Variants in ROCK1 observed in about 807,000 individuals in gnomAD.
The protein encoded by ROCK1 is Rho associated coiled-coil containing protein kinase 1.
ROCK1 carries 36 observed loss-of-function variants against 196.8 expected under a neutral mutation model. The observed-to-expected ratio is 0.18, with a 90% confidence interval of 0.14 to 0.24. ROCK1 has a LOEUF of 0.24. Ranked by LOEUF, ROCK1 falls within the 10% of genes least tolerant of loss-of-function variation. ROCK1 has a pLI of 1.00. For missense variants in ROCK1, 920 were observed against 1,562.0 expected, an observed-to-expected ratio of 0.59 and a Z score of 6.93; for synonymous variants, 443 against 515.9, an observed-to-expected ratio of 0.86 and a Z score of 1.91.
intron 16 of ROCK1, among the ~76,000 whole-genome samples, chr18:21,001,973 C>T (rs1568380392): frequency 6.6e-6 from 1 of 151,962 alleles, no homozygotes. Flanking sequence ...TTTTCAAATG[C>T]CCATGTAACA....
chr18:21,102,841 G>C (rs1375041639), intron 1 of ROCK1, among the ~76,000 whole-genome samples: 1 of 151,954 alleles, frequency 6.6e-6, no homozygotes, highest in Non-Finnish European at 1.5e-5. Flanking sequence ...ACTTCAGCCT[G>C]GGTGACAGGG....
chr18:20,966,810 A>C, intron 27 of ROCK1, 107 bp downstream of exon 27: 1 of 853,402 alleles, frequency 1.2e-6, no homozygotes, highest in East Asian at 2.6e-5. Context: ...ATTCCTTCTT[A>C]GGAATCCATG....
Position 21,070,421 on chromosome 18 carries a change from A to G in ROCK1, c.175+111T>C. ...TCCTACTAAATTCTATGTAGAAATCATTGATGAAATCACCAAAAAGTAAAT... is the reference window on the plus strand; with the variant it reads ...TCCTACTAAATTCTATGTAGAAATCGTTGATGAAATCACCAAAAAGTAAAT... On this transcript the variant is annotated intron_variant, in intron 2 of 32. Coordinates refer to ENST00000399799, the MANE Select transcript of ROCK1 (RefSeq NM_005406.3). 5 of 598,598 alleles carry G rather than the reference A, an allele frequency of 8.4e-6. No individual in the cohort carries two copies. In the South Asian group the frequency reaches 1.2e-4, roughly 14 times the overall value. 37.1% of individuals were successfully genotyped at this position (598,598 alleles called of 1,614,324 possible).
intron 19 of ROCK1, among the ~76,000 whole-genome samples, chr18:20,985,990 C>T (rs766507555): frequency 7.2e-5 from 11 of 152,128 alleles, no homozygotes; most frequent in Non-Finnish European, 1.5e-4. Context: ...TCCTGAGTAG[C>T]TGGAACTATA....
At position 21,015,442 on chromosome 18, in the gene ROCK1, A is replaced by T; in HGVS notation, c.1399T>A (p.Leu467Met). 6.4e-7 allele frequency: 1 copy of T among 1,565,842 alleles called. No homozygotes were observed. ...AAAACAAAAAGTACCTCTTCATCCA[A>T]TTCTTTCATTATCTTGTCTAGTTTT... ...NIKLDKIMKE[L>M]DEEGNQRRNL... Residue 467 changes from leucine (L) to methionine (M), a missense_variant, in exon 13 of 33, where the codon TTG becomes ATG. This residue lies in a region of ROCK1 where 520 missense variants were observed against 657.1 expected (regional missense o/e 0.79). Transcript: ENST00000399799.
At chr18:21,081,393 G>A (rs1285764700) in intron 1 of ROCK1, among the ~76,000 whole-genome samples, 2 of 151,938 alleles carry the variant, frequency 1.3e-5, no homozygotes, top group East Asian at 1.9e-4. Flanking sequence ...AGCTATAAAT[G>A]CTTACATTTT....
chr18:21,019,892 T>C (rs1047041103), intron 12 of ROCK1, among the ~76,000 whole-genome samples: 1 of 148,214 alleles, frequency 6.7e-6, no homozygotes, highest in African/African-American at 2.5e-5. Context: ...ATTATTTTCA[T>C]GAATTAAAAA....
At chr18:20,989,610 G>T (rs1381736180) in intron 18 of ROCK1, among the ~76,000 whole-genome samples, 4 of 152,136 alleles carry the variant, frequency 2.6e-5, no homozygotes, top group Non-Finnish European at 5.9e-5. Context: ...TTGCTGCATG[G>T]ATTTGTCTCT....
chr18:21,002,489 C>A (rs1178618608), intron 16 of ROCK1, among the ~76,000 whole-genome samples: 1 of 152,092 alleles, frequency 6.6e-6, no homozygotes, highest in Non-Finnish European at 1.5e-5. Flanking sequence ...ACTCACTGTT[C>A]CAAAAACTGA....
Position 21,037,192 on chromosome 18 carries a change from A to G in ROCK1, c.1051+2280T>C, listed in dbSNP as rs182819605. On this transcript the variant is annotated intron_variant, in intron 9 of 32. Transcript: ENST00000399799. ...CTTCAATTTTATCTCAAATGAGTGG[A>G]AAAATAGTGTTAAAATCTTCATACT... Among the ~76,000 whole-genome samples, 610 of 152,240 alleles carry G rather than the reference A, an allele frequency of 4.0e-3. 1 individual carries two copies. The highest frequency in any genetic ancestry group is 8.5e-3 in the African/African-American group (354 of 41,536).
At chr18:20,977,989 T>G (rs2035495679) in intron 22 of ROCK1, among the ~76,000 whole-genome samples, 1 of 152,216 alleles carries the variant, frequency 6.6e-6, no homozygotes, top group African/African-American at 2.4e-5. Flanking sequence ...TTATACCCGC[T>G]GTGATGCTAA....
chr18:21,028,732 C>CA lies in ROCK1; in HGVS notation c.1211+43dup, dbSNP rs776941065. The CA allele has an allele frequency of 2.0e-6, 3 of 1,500,846 alleles. No individual in the cohort carries two copies. In the African/African-American group the frequency reaches 4.3e-5, roughly 21 times the overall value. The allele number at this position is 1,500,846 out of a possible 1,614,324, so 93.0% of individuals were successfully genotyped here. A position where few individuals can be genotyped will look rare whatever the true frequency, so the allele number is the denominator to read the frequency against. On this transcript the variant is annotated intron_variant, in intron 10 of 32. Transcript: ENST00000399799. ...AATGATTTTTAGATATTTCTAAGAACAAAATCAGCACTTACTCCTATAATC... is the reference window on the plus strand; with the variant it reads ...AATGATTTTTAGATATTTCTAAGAACAAAAATCAGCACTTACTCCTATAATC...
At chr18:21,077,597 G>A (rs756383124) in intron 1 of ROCK1, among the ~76,000 whole-genome samples, 3 of 53,996 alleles carry the variant, frequency 5.6e-5, no homozygotes, top group African/African-American at 1.3e-4. Flanking sequence ...GCCCAGAGGA[G>A]AAGTGGGGCG....
intron 1 of ROCK1, among the ~76,000 whole-genome samples, chr18:21,084,462 C>A (rs978627712): frequency 4.6e-4 from 70 of 152,070 alleles, no homozygotes; most frequent in African/African-American, 1.6e-3. Context: ...TGAATAAAAA[C>A]GTCTCCAAAG....
At chr18:20,977,156 G>A (rs984956650) in intron 22 of ROCK1, among the ~76,000 whole-genome samples, 1 of 152,068 alleles carries the variant, frequency 6.6e-6, no homozygotes, top group South Asian at 2.1e-4. Flanking sequence ...ATACTTATCA[G>A]TCACTAGCTT....
chr18:21,094,511 G>C (rs2036596414), intron 1 of ROCK1, among the ~76,000 whole-genome samples: 1 of 152,072 alleles, frequency 6.6e-6, no homozygotes, highest in Admixed American at 6.6e-5. Context: ...CACTTTGGGA[G>C]GAGGATCATT....
chr18:20,969,753 G>C (rs1352005243), intron 23 of ROCK1, among the ~76,000 whole-genome samples: 2 of 152,116 alleles, frequency 1.3e-5, no homozygotes, highest in Non-Finnish European at 2.9e-5. Flanking sequence ...CTGAGGCTTA[G>C]AGAAGTTAAA....
At chr18:21,104,615 A>C (rs533533684) in intron 1 of ROCK1, among the ~76,000 whole-genome samples, 1 of 152,254 alleles carries the variant, frequency 6.6e-6, no homozygotes, top group East Asian at 1.9e-4. Flanking sequence ...TAATGAATTA[A>C]CCAATTCATA....
At chr18:21,074,383 T>G (rs930554945) in intron 1 of ROCK1, among the ~76,000 whole-genome samples, 1 of 152,208 alleles carries the variant, frequency 6.6e-6, no homozygotes, top group Non-Finnish European at 1.5e-5. Context: ...CCAAATTATC[T>G]AGTACAACAA....
Sources: allele counts gnomAD v4.1 joint callset (sites outside exome capture counted in the v4.1 genomes callset), GRCh38; gene constraint gnomAD v4.1.1; regional missense constraint gnomAD v4.1.1; transcripts MANE v1.5; gene names NCBI Gene and HGNC (gene_info 2026-07-23, HGNC 2026-07-21).